The following MTUS2 variants were observed in gnomAD, a reference collection of about 807,000 sequenced individuals.
The protein encoded by MTUS2 is microtubule-associated tumor suppressor candidate 2.
MTUS2 carries 40 observed loss-of-function variants against 114.1 expected under a neutral mutation model. The ratio of observed to expected loss-of-function variants is 0.35; its 90% CI spans 0.27 to 0.46. MTUS2 has a LOEUF of 0.46. Ranked by LOEUF, MTUS2 falls within the 20% of genes least tolerant of loss-of-function variation. The pLI is 1.00. For missense variants in MTUS2, 1,679 were observed against 1,705.4 expected (o/e 0.98, Z 0.27); for synonymous variants, 688 against 672.0 (o/e 1.02, Z -0.37).
chr13:29,460,176 A>G (rs767979594), intron 9 of MTUS2, among the ~76,000 whole-genome samples: 11 of 152,226 alleles, frequency 7.2e-5, no homozygotes, highest in South Asian at 2.1e-4. Flanking sequence ...GAAACAGTCA[A>G]TTGACTTGCC....
At chr13:29,461,765 C>CT (rs1465658120) in intron 9 of MTUS2, among the ~76,000 whole-genome samples, 2 of 152,170 alleles carry the variant, frequency 1.3e-5, no homozygotes, top group African/African-American at 2.4e-5. Flanking sequence ...CAAGAGAACT[C>CT]TAAGTTATCA....
At chr13:29,355,340 A>G (rs958594645) in intron 7 of MTUS2, among the ~76,000 whole-genome samples, 3 of 152,116 alleles carry the variant, frequency 2.0e-5, no homozygotes, top group Non-Finnish European at 2.9e-5. Context: ...CATGGATTCT[A>G]TCTTCTCCTA....
At chr13:29,007,132 A>AT (rs761197833) in intron 2 of MTUS2, among the ~76,000 whole-genome samples, 6 of 152,204 alleles carry the variant, frequency 3.9e-5, no homozygotes, top group African/African-American at 9.6e-5. Context: ...CACAAGGTAG[A>AT]TTTTTTTAAT....
chr13:29,259,425 C>T (rs560960686), intron 5 of MTUS2, among the ~76,000 whole-genome samples: 1 of 152,312 alleles, frequency 6.6e-6, no homozygotes, highest in Admixed American at 6.5e-5. Flanking sequence ...GGCAAAGAGA[C>T]CCACCTGTCT....
At chr13:29,063,482 C>T (rs1046977542) in intron 4 of MTUS2, among the ~76,000 whole-genome samples, 7 of 152,132 alleles carry the variant, frequency 4.6e-5, no homozygotes, top group African/African-American at 1.7e-4. Flanking sequence ...GAAATTCAAT[C>T]GTGTAAGAAA....
intron 4 of MTUS2, among the ~76,000 whole-genome samples, chr13:29,042,546 A>G (rs1284917564): frequency 6.6e-6 from 1 of 152,148 alleles, no homozygotes; most frequent in Non-Finnish European, 1.5e-5. Flanking sequence ...GATTTGTACC[A>G]GTTCTTCTTT....
At chr13:28,887,998 T>C (rs1343833974) in intron 2 of MTUS2, among the ~76,000 whole-genome samples, 1 of 152,224 alleles carries the variant, frequency 6.6e-6, no homozygotes, top group Non-Finnish European at 1.5e-5. Context: ...ACACCTTTTC[T>C]ACCTGCTGTT....
At chr13:29,247,988 T>A (rs2139420085) in intron 5 of MTUS2, among the ~76,000 whole-genome samples, 1 of 152,326 alleles carries the variant, frequency 6.6e-6, no homozygotes, top group African/African-American at 2.4e-5. Flanking sequence ...TCCAAAAATG[T>A]GGAACCAGCC....
intron 5 of MTUS2, among the ~76,000 whole-genome samples, chr13:29,142,352 C>T (rs574259266): frequency 6.6e-6 from 1 of 152,000 alleles, no homozygotes; most frequent in East Asian, 1.9e-4. Context: ...CTAATAAATT[C>T]CTGGGTAATG....
intron 2 of MTUS2, among the ~76,000 whole-genome samples, chr13:28,978,942 G>A (rs1262438403): frequency 2.0e-5 from 3 of 152,128 alleles, no homozygotes; most frequent in Non-Finnish European, 4.4e-5. Flanking sequence ...CACTCAATAT[G>A]ACCTTCCCAA....
At chr13:28,853,894 T>C (rs1038706595) in intron 2 of MTUS2, among the ~76,000 whole-genome samples, 1 of 152,242 alleles carries the variant, frequency 6.6e-6, no homozygotes, top group Non-Finnish European at 1.5e-5. Flanking sequence ...ATAGCTAGTA[T>C]TATAACAGTG....
intron 2 of MTUS2, among the ~76,000 whole-genome samples, chr13:28,922,903 C>G (rs931296304): frequency 7.2e-5 from 11 of 152,210 alleles, no homozygotes; most frequent in African/African-American, 2.2e-4. Flanking sequence ...CCATCTTGCT[C>G]TGTTCCACCA....
At chr13:28,863,297 C>T (rs1877103338) in intron 2 of MTUS2, among the ~76,000 whole-genome samples, 1 of 152,178 alleles carries the variant, frequency 6.6e-6, no homozygotes, top group Non-Finnish European at 1.5e-5. Context: ...ATAGATTGTT[C>T]CTTATTAAAA....
At chr13:28,914,766 CTGTATTAGG>C (rs1566220007) in intron 2 of MTUS2, among the ~76,000 whole-genome samples, 1 of 152,036 alleles carries the variant, frequency 6.6e-6, no homozygotes, top group Non-Finnish European at 1.5e-5. Context: ...CTGGGTGCTC[CTGTATTAGG>C]TGCAAGCACA....
At chr13:29,138,343 C>T (rs1892070664) in intron 5 of MTUS2, among the ~76,000 whole-genome samples, 1 of 151,886 alleles carries the variant, frequency 6.6e-6, no homozygotes, top group Non-Finnish European at 1.5e-5. Flanking sequence ...TAATTGTTGT[C>T]TGGGTGGGGA....
At position 29,025,862 on chromosome 13, in the gene MTUS2, G is replaced by A. The variant is rs1000930213; in HGVS notation, c.1164G>A (p.Glu388=). The A allele has an allele frequency of 2.5e-6, 4 of 1,613,308 alleles. No individual in the cohort carries two copies. The highest frequency in any genetic ancestry group is 1.1e-5 in the South Asian group (1 of 90,962). ...AGAAGAGAGGAGTCAACCCAGGGGAGCAGGATTCTCTCCACACCACCCCCA... is the reference window on the plus strand; with the variant it reads ...AGAAGAGAGGAGTCAACCCAGGGGAACAGGATTCTCTCCACACCACCCCCA... ...CEEKRGVNPG[E]QDSLHTTPKQ... Residue 388 remains glutamate (E), a synonymous_variant, in exon 3 of 16, where the codon GAG becomes GAA. Transcript: ENST00000612955.
intron 4 of MTUS2, among the ~76,000 whole-genome samples, chr13:29,042,029 T>A (rs1887387308): frequency 6.6e-6 from 1 of 152,206 alleles, no homozygotes; most frequent in Non-Finnish European, 1.5e-5. Flanking sequence ...AAAGTGGGCA[T>A]CCTTGACTTG....
chr13:28,947,445 C>T (rs1256406051), intron 2 of MTUS2, among the ~76,000 whole-genome samples: 1 of 152,142 alleles, frequency 6.6e-6, no homozygotes, highest in Non-Finnish European at 1.5e-5. Flanking sequence ...TAGACATTAA[C>T]TTTTTTGTAT....
At chr13:29,234,117 C>T (rs896159716) in intron 5 of MTUS2, among the ~76,000 whole-genome samples, 1 of 152,088 alleles carries the variant, frequency 6.6e-6, no homozygotes, top group Admixed American at 6.6e-5. Context: ...GTCCCTCTTC[C>T]ATTATAATGA....
Sources: allele counts gnomAD v4.1 joint callset (sites outside exome capture counted in the v4.1 genomes callset), GRCh38; gene constraint gnomAD v4.1.1; transcripts MANE v1.5; gene names NCBI Gene and HGNC (gene_info 2026-07-23, HGNC 2026-07-21).